FHIT: variants seen among roughly 807,000 people sequenced by gnomAD.
FHIT encodes fragile histidine triad diadenosine triphosphatase.
Under a neutral mutation model 17.9 loss-of-function variants are expected in FHIT, and 19 were observed. The ratio of observed to expected loss-of-function variants is 1.06; its 90% CI spans 0.74 to 1.56. The LOEUF is 1.56. FHIT is among the 40% of genes most tolerant of loss of function. FHIT has a pLI of 0.00. For synonymous variants in FHIT, 81 were observed against 69.7 expected (o/e 1.16, Z -0.81); for missense variants, 248 against 189.2 (o/e 1.31, Z -1.82).
At chr3:61,005,690 G>C (rs907086078) in intron 3 of FHIT, among the ~76,000 whole-genome samples, 1 of 152,132 alleles carries the variant, frequency 6.6e-6, no homozygotes, top group African/African-American at 2.4e-5. Context: ...GGGCCACTAT[G>C]AATTTCGGTT....
At chr3:60,123,997 TATATATATATATAGAGAGAGAGAG>T (rs1559653561) in intron 5 of FHIT, among the ~76,000 whole-genome samples, 2 of 33,950 alleles carry the variant, frequency 5.9e-5, no homozygotes, top group African/African-American at 2.3e-4. Context: ...TATATATATA[TATATATATATATAGAGAGAGAGAG>T]AGAGAGAGAG....
intron 4 of FHIT, among the ~76,000 whole-genome samples, chr3:60,686,097 G>A (rs73835809): frequency 0.019 from 2,890 of 152,112 alleles, 79 homozygotes; most frequent in African/African-American, 0.064. Context: ...TATGGACTTC[G>A]GGATTGGATA....
intron 8 of FHIT, among the ~76,000 whole-genome samples, chr3:59,918,627 T>C (rs912302951): frequency 5.3e-5 from 8 of 152,068 alleles, no homozygotes; most frequent in African/African-American, 1.9e-4. Context: ...TGGGGAATAG[T>C]AATCTTTGAG....
intron 4 of FHIT, among the ~76,000 whole-genome samples, chr3:60,566,453 G>A (rs934801013): frequency 6.6e-6 from 1 of 152,088 alleles, no homozygotes; most frequent in Non-Finnish European, 1.5e-5. Context: ...TTGATGAGAC[G>A]TATCTCAAAA....
intron 8 of FHIT, among the ~76,000 whole-genome samples, chr3:59,833,588 G>C (rs1045770792): frequency 3.9e-5 from 6 of 152,238 alleles, no homozygotes; most frequent in African/African-American, 1.4e-4. Context: ...AAGACACCTA[G>C]TTTGTAATAT....
In FHIT at chr3:60,283,195, A is replaced by G. The variant is rs533962693; in HGVS notation, c.103+253665T>C. On this transcript the variant is annotated intron_variant, in intron 5 of 9. Coordinates refer to ENST00000492590, the MANE Select transcript of FHIT (RefSeq NM_002012.4). The stretch of plus-strand genomic sequence containing the variant: ...AATTCCTTTCACTGGAAATCTGGAA[A>G]GAACTGATTTAGGAGAGCGAAAAAC... Among the ~76,000 whole-genome samples, 29 of 152,236 alleles carry G rather than the reference A, an allele frequency of 1.9e-4. No individual in the cohort carries two copies. The South Asian group carries it at 4.8e-3, about 25-fold the overall frequency.
chr3:59,943,486 G>A (rs965802191), intron 7 of FHIT, among the ~76,000 whole-genome samples: 1 of 152,130 alleles, frequency 6.6e-6, no homozygotes, highest in Non-Finnish European at 1.5e-5. Flanking sequence ...AGTATGACAA[G>A]AGAGGCCCTT....
At chr3:60,977,328 G>A (rs1347935389) in intron 3 of FHIT, among the ~76,000 whole-genome samples, 2 of 152,188 alleles carry the variant, frequency 1.3e-5, no homozygotes, top group African/African-American at 4.8e-5. Flanking sequence ...GAGCCACTCT[G>A]AACCCTGGTG....
At chr3:60,778,344 T>C (rs908167500) in intron 4 of FHIT, among the ~76,000 whole-genome samples, 2 of 152,196 alleles carry the variant, frequency 1.3e-5, no homozygotes, top group African/African-American at 4.8e-5. Flanking sequence ...TAATAAGCTA[T>C]AGGACTTTGA....
intron 4 of FHIT, among the ~76,000 whole-genome samples, chr3:60,770,671 T>C (rs1700015353): frequency 6.6e-6 from 1 of 152,236 alleles, no homozygotes; most frequent in Non-Finnish European, 1.5e-5. Flanking sequence ...ATCCAGTAAG[T>C]AGATGGTGAC....
intron 8 of FHIT, among the ~76,000 whole-genome samples, chr3:59,821,299 G>C (rs1575548228): frequency 6.6e-6 from 1 of 152,350 alleles, no homozygotes; most frequent in East Asian, 1.9e-4. Flanking sequence ...ATTTGTGAAA[G>C]CAGAAGCAAC....
intron 3 of FHIT, among the ~76,000 whole-genome samples, chr3:60,924,538 C>T (rs1707471580): frequency 6.6e-6 from 1 of 152,070 alleles, no homozygotes; most frequent in Admixed American, 6.6e-5. Context: ...AAAGGACATC[C>T]ACACCAAAAC....
At chr3:60,823,762 T>C (rs1259486412) in intron 3 of FHIT, among the ~76,000 whole-genome samples, 1 of 152,128 alleles carries the variant, frequency 6.6e-6, no homozygotes, top group Non-Finnish European at 1.5e-5. Context: ...ACAGTGTGTT[T>C]GGGGAGATTG....
At chr3:60,602,673 G>C (rs898616605) in intron 4 of FHIT, among the ~76,000 whole-genome samples, 1 of 152,142 alleles carries the variant, frequency 6.6e-6, no homozygotes, top group African/African-American at 2.4e-5. Flanking sequence ...TTGCAAAACA[G>C]AATGAGGATG....
At chr3:59,968,483 G>T (rs1217886439) in intron 7 of FHIT, among the ~76,000 whole-genome samples, 1 of 151,968 alleles carries the variant, frequency 6.6e-6, no homozygotes, top group Non-Finnish European at 1.5e-5. Context: ...AAAAATAGTT[G>T]TACCTTCAAG....
intron 8 of FHIT, among the ~76,000 whole-genome samples, chr3:59,864,056 T>C (rs1702524168): frequency 6.6e-6 from 1 of 152,198 alleles, no homozygotes. Context: ...TGTTTCTTTC[T>C]GCCATGACAA....
chr3:60,735,152 AC>A (rs2042109329), intron 4 of FHIT, among the ~76,000 whole-genome samples: 1 of 152,252 alleles, frequency 6.6e-6, no homozygotes, highest in African/African-American at 2.4e-5. Flanking sequence ...ACCAGAAATT[AC>A]TTTTCAGAGA....
Position 60,532,076 on chromosome 3 carries a change from T to C in FHIT, c.103+4784A>G, listed in dbSNP as rs149426538. Among the ~76,000 whole-genome samples the C allele has an allele frequency of 8.4e-3, 1,280 of 152,306 alleles. 13 individuals are homozygous for C. Among genetic ancestry groups the C allele is most frequent in the Middle Eastern group, 0.01 (3 of 294 alleles). On this transcript the variant is annotated intron_variant, in intron 5 of 9. Transcript: ENST00000492590. ...GGCCCTGGTAACATTCTGCGTGAGA[T>C]GGTCTTGATTGGAAAAATCTGCTCT...
chr3:60,107,142 C>T (rs1420646095), intron 5 of FHIT, among the ~76,000 whole-genome samples: 6 of 126,992 alleles, frequency 4.7e-5, no homozygotes, highest in East Asian at 2.3e-4. Flanking sequence ...CCTTTAAAAG[C>T]TTTAATTCTT....
Sources: allele counts gnomAD v4.1 joint callset (sites outside exome capture counted in the v4.1 genomes callset), GRCh38; gene constraint gnomAD v4.1.1; transcripts MANE v1.5; gene names NCBI Gene and HGNC (gene_info 2026-07-23, HGNC 2026-07-21).